CSTF1: variants seen among roughly 807,000 people sequenced by gnomAD.
CSTF1 encodes cleavage stimulation factor subunit 1, also known as CF-1 50 kDa subunit.
Under a neutral mutation model 40.9 loss-of-function variants are expected in CSTF1, and 2 were observed. The observed-to-expected ratio is 0.05, with a 90% CI of 0.02 to 0.15. The LOEUF is 0.15. Among genes scored for constraint, CSTF1 ranks in the 10% least tolerant of loss-of-function variants. The pLI is 1.00. For missense variants in CSTF1, 279 were observed against 558.9 expected, an observed-to-expected ratio of 0.50 and a Z score of 5.05; for synonymous variants, 218 against 207.2, an observed-to-expected ratio of 1.05 and a Z score of -0.45.
chr20:56,393,814 C>G (rs1220633501), intron 1 of CSTF1, among the ~76,000 whole-genome samples: 1 of 152,022 alleles, frequency 6.6e-6, no homozygotes. Context: ...TATAAGGATT[C>G]GTGACAATTG....
rs556711384 is a variant in CSTF1, at chr20:56,406,116, T to G, written c.*2389T>G. On this transcript the variant is annotated 3_prime_UTR_variant, in exon 6 of 6. Coordinates refer to ENST00000217109, the MANE Select transcript of CSTF1 (RefSeq NM_001324.3). ...GCTGTTTTTTCATTTTTTGTGGGTTTGTTTTTTTTGTGTTTGTTTGGTTGG... is the reference window on the plus strand; with the variant it reads ...GCTGTTTTTTCATTTTTTGTGGGTTGGTTTTTTTTGTGTTTGTTTGGTTGG... 1 of 113,908 alleles carries G rather than the reference T, an allele frequency of 8.8e-6. No individual in the cohort carries two copies. Among genetic ancestry groups the G allele is most frequent in the East Asian group, 2.2e-4 (1 of 4,470 alleles). 7.1% of individuals were successfully genotyped at this position (113,908 alleles called of 1,614,324 possible).
In CSTF1 at chr20:56,403,763, T is replaced by TAC; in HGVS notation, c.*37_*38dup. ...CCGTAGGGTTCTTTCTCGAGGACTC[T>TAC]ACCCTCCTCCCCCACGTCCTGTCTC... On this transcript the variant is annotated 3_prime_UTR_variant, in exon 6 of 6. Transcript: ENST00000217109. 1 of 1,570,432 alleles carries TAC rather than the reference T, an allele frequency of 6.4e-7. No homozygotes were observed. The highest frequency in any genetic ancestry group is 8.7e-7 in the Non-Finnish European group (1 of 1,150,296).
In CSTF1 at chr20:56,394,543, C is replaced by A. The variant is rs183903299; in HGVS notation, c.-32-978C>A. On this transcript the variant is annotated intron_variant, in intron 1 of 5. Coordinates refer to ENST00000217109, the MANE Select transcript of CSTF1 (RefSeq NM_001324.3). ...CGGAGGTTGCAGTGAGCCGAGATCG[C>A]GCCACTGCCCTCAAGCCTGGGCGAC... 4.4e-3 allele frequency among the ~76,000 whole-genome samples: 672 copies of A among 152,270 alleles called. 4 individuals are homozygous for A. Among genetic ancestry groups the A allele is most frequent in the African/African-American group, 0.016 (650 of 41,556 alleles).
At chr20:56,394,540 T>A (rs1354278200) in intron 1 of CSTF1, among the ~76,000 whole-genome samples, 2 of 152,174 alleles carry the variant, frequency 1.3e-5, no homozygotes, top group Non-Finnish European at 2.9e-5. Flanking sequence ...TGAGCCGAGA[T>A]CGCGCCACTG....
chr20:56,394,523 G>A (rs969069946), intron 1 of CSTF1, among the ~76,000 whole-genome samples: 6 of 152,194 alleles, frequency 3.9e-5, no homozygotes, highest in Non-Finnish European at 8.8e-5. Context: ...GGAGGCGGAG[G>A]TTGCAGTGAG....
Position 56,405,350 on chromosome 20 carries a change from G to A in CSTF1, c.*1623G>A, listed in dbSNP as rs933402112. 4 of 152,174 alleles carry A rather than the reference G, an allele frequency of 2.6e-5. No individual in the cohort carries two copies. Among genetic ancestry groups the A allele is most frequent in the Non-Finnish European group, 4.4e-5 (3 of 68,066 alleles). The allele number at this position is 152,174 out of a possible 1,614,324, so 9.4% of individuals were successfully genotyped here. On this transcript the variant is annotated 3_prime_UTR_variant, in exon 6 of 6. Transcript: ENST00000217109. ...GGCTCCCGAGTAACTAGGATTACAG[G>A]CGTGCGCCACCATGCCCGGCTAATT...
intron 5 of CSTF1, 30 bp from the exon 6 acceptor site, chr20:56,403,438 G>C (rs375901346): frequency 1.2e-6 from 2 of 1,611,640 alleles, no homozygotes; most frequent in East Asian, 2.2e-5. Flanking sequence ...TGTGGACTTA[G>C]AAAGCTATCC....
chr20:56,405,382 T>G lies in CSTF1; in HGVS notation c.*1655T>G, dbSNP rs1037919754. ...CCACCATGCCCGGCTAATTTTGTAT[T>G]TTTTTTAGTAGAGACGGGGTTTCTC... On this transcript the variant is annotated 3_prime_UTR_variant, in exon 6 of 6. Transcript: ENST00000217109. 1 of 151,666 alleles carries G rather than the reference T, an allele frequency of 6.6e-6. No individual in the cohort carries two copies. Among genetic ancestry groups the G allele is most frequent in the Non-Finnish European group, 1.5e-5 (1 of 67,910 alleles). The allele number at this position is 151,666 out of a possible 1,614,324, so 9.4% of individuals were successfully genotyped here.
In CSTF1 at chr20:56,399,433, A is replaced by G. The variant is rs1978359007; in HGVS notation, c.1036+76A>G. The G allele has an allele frequency of 1.0e-5, 13 of 1,282,460 alleles. No homozygotes were observed. Among genetic ancestry groups the G allele is most frequent in the South Asian group, 5.5e-5 (4 of 72,248 alleles). 79.4% of individuals were successfully genotyped at this position (1,282,460 alleles called of 1,614,324 possible). A position where few individuals can be genotyped will look rare whatever the true frequency, so the allele number is the denominator to read the frequency against. On this transcript the variant is annotated intron_variant, in intron 5 of 5. Transcript: ENST00000217109. This position sits in a 1 kb window ranked among gnomAD's most constrained non-coding sequence, Gnocchi z 4.6. ...CAGAACTCTCTTTTAAGACCTCACAATAGAGCAACACAATATCTATGCATT... is the reference window on the plus strand; with the variant it reads ...CAGAACTCTCTTTTAAGACCTCACAGTAGAGCAACACAATATCTATGCATT...
Position 56,397,188 on chromosome 20 carries a change from T to G in CSTF1, c.170-19T>G, listed in dbSNP as rs766744483. The G allele has an allele frequency of 6.2e-7, 1 of 1,602,280 alleles. No homozygotes were observed. Among genetic ancestry groups the G allele is most frequent in the South Asian group, 1.1e-5 (1 of 89,784 alleles). On this transcript the variant is annotated intron_variant, in intron 2 of 5. Transcript: ENST00000217109. This position sits in a 1 kb window ranked among gnomAD's most constrained non-coding sequence, Gnocchi z 4.4. ...AAAAACACTTGTTTTGTTACGCCCT[T>G]AATTTTGATTTCTTTCAGGAATGGA...
chr20:56,396,565 T>C (rs16979880), intron 2 of CSTF1, among the ~76,000 whole-genome samples: 13,807 of 152,140 alleles, frequency 0.091, 805 homozygotes, highest in African/African-American at 0.16. Flanking sequence ...AAAACAGCCG[T>C]GCACGGGGAA....
rs200536017 is a variant in CSTF1, at chr20:56,395,659, A to G, written c.107A>G (p.Asn36Ser). The G allele has an allele frequency of 3.9e-5, 63 of 1,614,208 alleles. No homozygotes were observed. The highest frequency in any genetic ancestry group is 3.0e-4 in the Admixed American group (18 of 60,018). ...ATCAGCATCGCCAATGGCCTCATCA[A>G]TGAAATCAAGCCTCAGTCTGTGTGT... ...GYISIANGLINEIKPQSVCAP... is the reference protein window; with the variant it reads ...GYISIANGLISEIKPQSVCAP... The change falls in exon 2 of 6, where the codon AAT (asparagine) becomes AGT (serine). Residue 36 changes from asparagine to serine, a missense_variant. Asn to Ser is a conservative substitution (Grantham distance 46). This residue lies in a region of CSTF1 where 51 missense variants were observed against 55.0 expected (regional missense o/e 0.93). Coordinates refer to ENST00000217109, the MANE Select transcript of CSTF1 (RefSeq NM_001324.3).
Position 56,399,592 on chromosome 20 carries a change from C to T in CSTF1, c.1036+235C>T, listed in dbSNP as rs1183038419. On this transcript the variant is annotated intron_variant, in intron 5 of 5. Coordinates refer to ENST00000217109, the MANE Select transcript of CSTF1 (RefSeq NM_001324.3). The surrounding 1 kb of genome is among the most constrained non-coding windows in gnomAD (Gnocchi z 4.6). Reference sequence around the variant, plus strand: ...TCTTCTGAGCACCTCACACCGTGGACTAGGGCTGGATTCCATGCAAGTAAC... The same window carrying T: ...TCTTCTGAGCACCTCACACCGTGGATTAGGGCTGGATTCCATGCAAGTAAC... Among the ~76,000 whole-genome samples, 1 of 152,202 alleles carries T rather than the reference C, an allele frequency of 6.6e-6. No individual in the cohort carries two copies. Among genetic ancestry groups the T allele is most frequent in the Non-Finnish European group, 1.5e-5 (1 of 68,040 alleles).
chr20:56,395,315 T>G (rs1363413547), intron 1 of CSTF1, among the ~76,000 whole-genome samples: 1 of 152,204 alleles, frequency 6.6e-6, no homozygotes, highest in East Asian at 1.9e-4. Context: ...GCTCAGGGCT[T>G]TATATGCACC....
intron 4 of CSTF1, among the ~76,000 whole-genome samples, chr20:56,398,113 T>C (rs1326221787): frequency 1.3e-5 from 2 of 152,118 alleles, no homozygotes; most frequent in East Asian, 1.9e-4. Flanking sequence ...ATCCCTGTTA[T>C]AAACAAAACA....
Position 56,397,132 on chromosome 20 carries a change from G to T in CSTF1, c.170-75G>T. On this transcript the variant is annotated intron_variant, in intron 2 of 5. Coordinates refer to ENST00000217109, the MANE Select transcript of CSTF1 (RefSeq NM_001324.3). This position sits in a 1 kb window ranked among gnomAD's most constrained non-coding sequence, Gnocchi z 4.4. ...CACTGGTGAGCATCTTTCCAGTTTGGATCTAGAATTTTATCTTGGCCTTTT... is the reference window on the plus strand; with the variant it reads ...CACTGGTGAGCATCTTTCCAGTTTGTATCTAGAATTTTATCTTGGCCTTTT... 4.0e-6 allele frequency: 6 copies of T among 1,493,064 alleles called. No individual in the cohort carries two copies. The highest frequency in any genetic ancestry group is 3.6e-6 in the Non-Finnish European group (4 of 1,098,740). The allele number at this position is 1,493,064 out of a possible 1,614,324, so 92.5% of individuals were successfully genotyped here.
chr20:56,405,689 G>A lies in CSTF1; in HGVS notation c.*1962G>A, dbSNP rs1291064453. On this transcript the variant is annotated 3_prime_UTR_variant, in exon 6 of 6. Transcript: ENST00000217109. ...GATGCATATTTCCAGTTGAATTCCA[G>A]TGTGAATTTCCAGTTGTACTTTGCA... The A allele has an allele frequency of 6.6e-6, 1 of 152,182 alleles. No individual in the cohort carries two copies. Among genetic ancestry groups the A allele is most frequent in the Non-Finnish European group, 1.5e-5 (1 of 68,036 alleles). 9.4% of individuals were successfully genotyped at this position (152,182 alleles called of 1,614,324 possible). A position where few individuals can be genotyped will look rare whatever the true frequency, so the allele number is the denominator to read the frequency against.
chr20:56,394,746 A>T (rs1238688564), intron 1 of CSTF1, among the ~76,000 whole-genome samples: 1 of 152,232 alleles, frequency 6.6e-6, no homozygotes, highest in East Asian at 1.9e-4. Flanking sequence ...TTCTTTTTTG[A>T]ATAAGCCAGA....
intron 2 of CSTF1, among the ~76,000 whole-genome samples, chr20:56,396,489 T>G (rs1284553499): frequency 6.6e-6 from 1 of 152,232 alleles, no homozygotes; most frequent in African/African-American, 2.4e-5. Context: ...TTTGTTCTGC[T>G]TGATTAAGTG....
Sources: gnomAD v4.1 joint callset for allele counts (sites outside exome capture counted in the v4.1 genomes callset) on GRCh38, gnomAD v4.1.1 for gene constraint, gnomAD v4.1.1 regional missense constraint, Gnocchi (gnomAD v3.1) non-coding constraint, MANE v1.5 for transcripts, NCBI Gene and HGNC (gene_info 2026-07-23, HGNC 2026-07-21) for gene names.